Variants in SYCP2 observed in about 807,000 individuals in gnomAD.
SYCP2 encodes synaptonemal complex lateral element protein.
Under a neutral mutation model 211.3 loss-of-function variants are expected in SYCP2, and 55 were observed. The ratio of observed to expected loss-of-function variants is 0.26; its 90% CI spans 0.21 to 0.33. SYCP2 has a LOEUF of 0.33. Ranked by LOEUF, SYCP2 falls within the 10% of genes least tolerant of loss-of-function variation. SYCP2 has a pLI of 1.00. For synonymous variants in SYCP2, 570 were observed against 555.2 expected (o/e 1.03, Z -0.37); for missense variants, 1,731 against 1,752.0 (o/e 0.99, Z 0.21).
intron 5 of SYCP2, among the ~76,000 whole-genome samples, chr20:59,920,122 A>T (rs1354770041): frequency 6.6e-6 from 1 of 151,710 alleles, no homozygotes. Flanking sequence ...AAGAGACAAT[A>T]AAGCAAGTCA....
chr20:59,868,948 GA>G, intron 36 of SYCP2, 23 bp from the exon 37 acceptor site: 1 of 1,546,572 alleles, frequency 6.5e-7, no homozygotes, highest in Non-Finnish European at 8.8e-7. Flanking sequence ...TTAGAAATTA[GA>G]AAAAAATTCC....
chr20:59,869,701 T>C (rs1041546659), intron 36 of SYCP2, 97 bp downstream of exon 36: 11 of 651,786 alleles, frequency 1.7e-5, no homozygotes, highest in Non-Finnish European at 2.5e-5. Flanking sequence ...TTGAAAAGCA[T>C]TAAAATATTA....
chr20:59,878,163 A>T, intron 31 of SYCP2, 118 bp from the exon 32 acceptor site: 2 of 704,810 alleles, frequency 2.8e-6, no homozygotes, highest in Non-Finnish European at 4.5e-6. Context: ...AAGTTTTTAA[A>T]GCATGTGTTA....
chr20:59,890,770 A>T (rs1354987034), intron 24 of SYCP2, among the ~76,000 whole-genome samples: 2 of 151,972 alleles, frequency 1.3e-5, no homozygotes, highest in African/African-American at 2.4e-5. Flanking sequence ...GAAAAAAAAA[A>T]TGACTAGCTC....
intron 8 of SYCP2, 31 bp downstream of exon 8, chr20:59,916,449 CATTTTT>C (rs776935049): frequency 1.6e-6 from 2 of 1,252,720 alleles, no homozygotes; most frequent in East Asian, 4.7e-5. Flanking sequence ...TTCACGTTCT[CATTTTT>C]AGTTTTTAAA....
intron 25 of SYCP2, 36 bp from the exon 26 acceptor site, chr20:59,886,000 A>T (rs1367656428): frequency 6.9e-7 from 1 of 1,449,346 alleles, no homozygotes; most frequent in Non-Finnish European, 9.6e-7. Context: ...TGAAAAAGCA[A>T]ATCAGTATCA....
chr20:59,876,644 T>C (rs947183505), intron 33 of SYCP2, among the ~76,000 whole-genome samples: 5 of 151,778 alleles, frequency 3.3e-5, no homozygotes, highest in South Asian at 2.1e-4. Flanking sequence ...ATTTTCTCAG[T>C]TGTAAAATGG....
At position 59,871,796 on chromosome 20, in the gene SYCP2, T is replaced by C. The variant is rs1362495485; in HGVS notation, c.3556-1813A>G. On this transcript the variant is annotated intron_variant, in intron 35 of 44. Coordinates refer to ENST00000357552, the MANE Select transcript of SYCP2 (RefSeq NM_014258.4). Reference sequence around the variant, plus strand: ...TGTAAATACTCTTAAATAGTTGTTATATGTGTTGTTTAGGAAATGGTGACA... The same window carrying C: ...TGTAAATACTCTTAAATAGTTGTTACATGTGTTGTTTAGGAAATGGTGACA... 2.6e-5 allele frequency among the ~76,000 whole-genome samples: 4 copies of C among 151,976 alleles called. No individual in the cohort carries two copies. The East Asian group carries it at 5.8e-4, about 22-fold the overall frequency.
chr20:59,927,405 CTAGAGA>C (rs977105623), intron 2 of SYCP2, among the ~76,000 whole-genome samples: 1 of 152,082 alleles, frequency 6.6e-6, no homozygotes, highest in African/African-American at 2.4e-5. Flanking sequence ...TACCATATAT[CTAGAGA>C]TAATTTGGAA....
chr20:59,900,052 T>C lies in SYCP2; in HGVS notation c.1404+86A>G, dbSNP rs962797516. On this transcript the variant is annotated intron_variant, in intron 18 of 44. Transcript: ENST00000357552. ...TTGATCAAGGCCAATAATATATAAA[T>C]TCTAGATGCTTCTTTCAGTACTCAT... is the stretch of plus-strand genomic sequence containing the variant. 2.2e-6 allele frequency: 3 copies of C among 1,375,654 alleles called. No individual in the cohort carries two copies. In the African/African-American group the frequency reaches 4.3e-5, roughly 20 times the overall value. 85.2% of individuals were successfully genotyped at this position (1,375,654 alleles called of 1,614,324 possible).
intron 33 of SYCP2, among the ~76,000 whole-genome samples, chr20:59,875,848 C>T (rs1288687420): frequency 6.6e-6 from 1 of 151,998 alleles, no homozygotes; most frequent in Admixed American, 6.6e-5. Flanking sequence ...TTCGCAAGAA[C>T]AGAGGGAGTT....
intron 39 of SYCP2, 50 bp downstream of exon 39, chr20:59,867,661 G>A (rs1377458292): frequency 6.7e-7 from 1 of 1,494,404 alleles, no homozygotes; most frequent in Non-Finnish European, 9.2e-7. Context: ...AGAAAGTGTG[G>A]CATATTATTA....
At chr20:59,925,472 T>C (rs2060617626) in intron 2 of SYCP2, among the ~76,000 whole-genome samples, 1 of 152,092 alleles carries the variant, frequency 6.6e-6, no homozygotes, top group Non-Finnish European at 1.5e-5. Context: ...TGAAAGTATT[T>C]TTCTCTTGTA....
chr20:59,868,019 T>C (rs978858909), intron 38 of SYCP2, among the ~76,000 whole-genome samples, 172 bp from the exon 39 acceptor site: 1 of 151,810 alleles, frequency 6.6e-6, no homozygotes, highest in Non-Finnish European at 1.5e-5. Context: ...AAAAATCAGA[T>C]TATTCTGATT....
chr20:59,918,847 A>G (rs1012322471), intron 7 of SYCP2, among the ~76,000 whole-genome samples: 11 of 152,158 alleles, frequency 7.2e-5, no homozygotes, highest in African/African-American at 2.7e-4. Flanking sequence ...TGCAAGTTTC[A>G]TTATTAGTAG....
intron 2 of SYCP2, among the ~76,000 whole-genome samples, chr20:59,928,978 G>A (rs1187041185): frequency 5.3e-5 from 8 of 151,824 alleles, no homozygotes; most frequent in Admixed American, 4.6e-4. Flanking sequence ...GTAAAAGAGA[G>A]GCAGCATACT....
intron 10 of SYCP2, 131 bp from the exon 11 acceptor site, chr20:59,914,382 A>C (rs1024302789): frequency 2.2e-6 from 1 of 462,466 alleles, no homozygotes; most frequent in African/African-American, 2.0e-5. Flanking sequence ...TAATCTATTA[A>C]TATTTTCTTC....
At chr20:59,917,264 T>TA in intron 7 of SYCP2, among the ~76,000 whole-genome samples, 1 of 152,186 alleles carries the variant, frequency 6.6e-6, no homozygotes, top group Non-Finnish European at 1.5e-5. Flanking sequence ...CAACACATCT[T>TA]AACCCCAATG....
Position 59,869,456 on chromosome 20 carries a change from TGATG to T in SYCP2, c.3741+338_3741+341del, listed in dbSNP as rs879703074. Among the ~76,000 whole-genome samples, 6 of 151,768 alleles carry T rather than the reference TGATG, an allele frequency of 4.0e-5. 1 individual carries two copies. Among genetic ancestry groups the T allele is most frequent in the Admixed American group, 3.3e-4 (5 of 15,180 alleles). The stretch of plus-strand genomic sequence containing the variant: ...TTACAGGTTACTAAAATATTTTTAT[TGATG>T]GATGGATGGGCTTTTATGCTGGCAG... On this transcript the variant is annotated intron_variant, in intron 36 of 44. Coordinates refer to ENST00000357552, the MANE Select transcript of SYCP2 (RefSeq NM_014258.4).
Sources: allele counts gnomAD v4.1 joint callset (sites outside exome capture counted in the v4.1 genomes callset), GRCh38; gene constraint gnomAD v4.1.1; transcripts MANE v1.5; gene names NCBI Gene and HGNC (gene_info 2026-07-23, HGNC 2026-07-21).